Variants in LARP7 observed in about 807,000 individuals in gnomAD.
The protein encoded by LARP7 is la-related protein 7.
In LARP7, 52 loss-of-function variants were observed where a neutral mutation model predicts 69.3. The ratio of observed to expected loss-of-function variants is 0.75; its 90% CI spans 0.60 to 0.95. LARP7 has a LOEUF of 0.95. Among genes scored for constraint, LARP7 ranks in the 40% least tolerant of loss-of-function variants. The pLI is 0.00. For missense variants in LARP7, 733 were observed against 673.0 expected, an observed-to-expected ratio of 1.09 and a Z score of -0.99; for synonymous variants, 254 against 215.9, an observed-to-expected ratio of 1.18 and a Z score of -1.55.
intron 2 of LARP7, chr4:112,645,767 C>T: frequency 2.8e-6 from 1 of 361,242 alleles, no homozygotes; most frequent in South Asian, 2.1e-5. Flanking sequence ...AGAGATTTAC[C>T]TTCACCCCTG....
At chr4:112,637,467 TG>T (rs1469775962) in intron 1 of LARP7, 1 of 152,126 alleles carries the variant, frequency 6.6e-6, no homozygotes, top group East Asian at 1.9e-4. Flanking sequence ...GGGCCCGGCG[TG>T]GGGAGGTTTG....
chr4:112,657,255 C>A lies in LARP7; in HGVS notation c.1677C>A (p.Thr559=), dbSNP rs199558943. Residue 559 remains threonine (T), a synonymous_variant, in exon 13 of 13, where the codon ACC becomes ACA. Coordinates refer to ENST00000344442, the MANE Select transcript of LARP7 (RefSeq NM_016648.4). The part of the protein sequence containing the change: ...EKKRGTEKLI[T]KAEKIRLAKT... ...GATTTATTTCTCTTTAGTTAATCACCAAAGCTGAAAAGATTAGACTGGCAA... is the reference window on the plus strand; with the variant it reads ...GATTTATTTCTCTTTAGTTAATCACAAAAGCTGAAAAGATTAGACTGGCAA... 1 of 1,548,244 alleles carries A rather than the reference C, an allele frequency of 6.5e-7. No individual in the cohort carries two copies. Among genetic ancestry groups the A allele is most frequent in the South Asian group, 1.2e-5 (1 of 82,722 alleles).
At chr4:112,641,465 T>C (rs1238229491) in intron 1 of LARP7, among the ~76,000 whole-genome samples, 1 of 152,092 alleles carries the variant, frequency 6.6e-6, no homozygotes, top group Non-Finnish European at 1.5e-5. Context: ...ATTTAAATGG[T>C]AATTCTATCT....
At chr4:112,648,167 G>T (rs546014795) in intron 8 of LARP7, 1 of 524,330 alleles carries the variant, frequency 1.9e-6, no homozygotes, top group Non-Finnish European at 3.9e-6. Context: ...TAATAAAAAT[G>T]TAAAAGGAAG....
intron 1 of LARP7, among the ~76,000 whole-genome samples, chr4:112,642,827 T>C (rs2048014220): frequency 2.0e-5 from 3 of 152,244 alleles, no homozygotes; most frequent in Admixed American, 2.0e-4. Flanking sequence ...ATCAATCTGT[T>C]GTTCTGGTCA....
chr4:112,648,511 A>G, intron 8 of LARP7: 1 of 534,376 alleles, frequency 1.9e-6, no homozygotes, highest in Non-Finnish European at 3.8e-6. Context: ...GGAAGCACTT[A>G]CTTTTAAAGT....
intron 8 of LARP7, chr4:112,648,416 A>G (rs746108731): frequency 1.1e-5 from 6 of 534,660 alleles, no homozygotes; most frequent in South Asian, 7.0e-5. Context: ...AGGTACCCCC[A>G]TGTTAAAGCA....
In LARP7 at chr4:112,648,011, C is replaced by CA. The variant is rs757800447; in HGVS notation, c.1142+180dup. On this transcript the variant is annotated intron_variant, in intron 8 of 12. Transcript: ENST00000344442. The stretch of plus-strand genomic sequence containing the variant: ...CTGATTAGGTAGGAACCACCACACT[C>CA]AAACATGGAAGCACTTATTTTTGTC... 4 of 699,182 alleles carry CA rather than the reference C, an allele frequency of 5.7e-6. No individual in the cohort carries two copies. In the East Asian group the frequency reaches 8.5e-5, roughly 15 times the overall value. The allele number at this position is 699,182 out of a possible 1,614,324, so 43.3% of individuals were successfully genotyped here.
At chr4:112,648,913 T>C (rs529554541) in intron 8 of LARP7, among the ~76,000 whole-genome samples, 1 of 146,476 alleles carries the variant, frequency 6.8e-6, no homozygotes, top group Non-Finnish European at 1.5e-5. Context: ...TACCACAAGA[T>C]ATCTTCCTCT....
At chr4:112,644,112 T>C (rs1408464213) in intron 1 of LARP7, among the ~76,000 whole-genome samples, 2 of 149,278 alleles carry the variant, frequency 1.3e-5, no homozygotes, top group African/African-American at 4.9e-5. Flanking sequence ...CATGATGGCA[T>C]GTGCCTGTAG....
At chr4:112,648,986 G>C (rs2048561102) in intron 8 of LARP7, among the ~76,000 whole-genome samples, 1 of 151,494 alleles carries the variant, frequency 6.6e-6, no homozygotes, top group Non-Finnish European at 1.5e-5. Flanking sequence ...GCATAGATTA[G>C]GGTAACAATG....
chr4:112,646,551 AAT>A (rs1560928405), intron 3 of LARP7, 35 bp from the exon 4 acceptor site: 1 of 1,307,776 alleles, frequency 7.6e-7, no homozygotes, highest in Admixed American at 2.5e-5. Context: ...AATTATAAAT[AAT>A]ATTAGTTTTA....
intron 1 of LARP7, among the ~76,000 whole-genome samples, chr4:112,641,720 TA>T (rs1258270640): frequency 6.6e-6 from 1 of 152,198 alleles, no homozygotes; most frequent in Non-Finnish European, 1.5e-5. Flanking sequence ...AGCAATTTTG[TA>T]ATTGGTGTTT....
chr4:112,646,397 G>A lies in LARP7; in HGVS notation c.249G>A (p.Leu83=). 6.2e-7 allele frequency: 1 copy of A among 1,604,004 alleles called. No individual in the cohort carries two copies. Among genetic ancestry groups the A allele is most frequent in the Non-Finnish European group, 8.5e-7 (1 of 1,172,312 alleles). The stretch of plus-strand genomic sequence containing the variant: ...TGTCTTTTAACAAAATGAAAAAATT[G>A]ACTACTGATGGGAAGTTAATTGCCA... ...LLVSFNKMKK[L]TTDGKLIARA... Residue 83 remains leucine, a synonymous_variant, in exon 3 of 13, where the codon TTG becomes TTA. Coordinates refer to ENST00000344442, the MANE Select transcript of LARP7 (RefSeq NM_016648.4).
In LARP7 at chr4:112,648,680, G is replaced by A. The variant is rs2048525712; in HGVS notation, c.1142+846G>A. ...TTCCTGAACTAGTTCCCAAAGATTCGTGTTCTCCTCCAGAAGGGTAAAAGG... is the reference window on the plus strand; with the variant it reads ...TTCCTGAACTAGTTCCCAAAGATTCATGTTCTCCTCCAGAAGGGTAAAAGG... On this transcript the variant is annotated intron_variant, in intron 8 of 12. Coordinates refer to ENST00000344442, the MANE Select transcript of LARP7 (RefSeq NM_016648.4). 7 of 374,908 alleles carry A rather than the reference G, an allele frequency of 1.9e-5. 1 individual carries two copies. Among genetic ancestry groups the A allele is most frequent in the East Asian group, 7.4e-5 (1 of 13,504 alleles). The allele number at this position is 374,908 out of a possible 1,614,324, so 23.2% of individuals were successfully genotyped here.
At chr4:112,656,025 T>A (rs1242212639) in intron 12 of LARP7, among the ~76,000 whole-genome samples, 1 of 152,176 alleles carries the variant, frequency 6.6e-6, no homozygotes, top group Non-Finnish European at 1.5e-5. Flanking sequence ...ATAAATACCT[T>A]ACTGACCTGA....
rs1225484345 is a variant in LARP7 at position 112,647,492 on chromosome 4, A to G, written c.940A>G (p.Lys314Glu). Residue 314 changes from lysine (K) to glutamate (E), a missense_variant, in exon 7 of 13, where the codon AAA becomes GAA. Physicochemically the swap from Lys to Glu is moderately conservative, Grantham distance 56. Transcript: ENST00000344442. ...ESLAPRSKVK[K>E]IIQKDIIKEA... ...CCTAGCTCCCCGATCAAAAGTAAAG[A>G]AAATTATTCAGAAAGACATCATTAA... The G allele has an allele frequency of 6.2e-7, 1 of 1,613,588 alleles. No individual in the cohort carries two copies. The highest frequency in any genetic ancestry group is 8.5e-7 in the Non-Finnish European group (1 of 1,179,766).
At chr4:112,643,948 T>A (rs2149254840) in intron 1 of LARP7, among the ~76,000 whole-genome samples, 1 of 151,694 alleles carries the variant, frequency 6.6e-6, no homozygotes, top group South Asian at 2.1e-4. Context: ...ATTAACATTT[T>A]AAAAATCAAA....
At chr4:112,644,457 A>C in intron 1 of LARP7, 1 of 1,195,258 alleles carries the variant, frequency 8.4e-7, no homozygotes, top group Non-Finnish European at 1.1e-6. Flanking sequence ...AAAGGTACAA[A>C]GAAACTAAAG....
Sources: allele counts gnomAD v4.1 joint callset (sites outside exome capture counted in the v4.1 genomes callset), GRCh38; gene constraint gnomAD v4.1.1; transcripts MANE v1.5; gene names NCBI Gene and HGNC (gene_info 2026-07-23, HGNC 2026-07-21).